The following ARK2N variants were observed in gnomAD, a reference collection of about 807,000 sequenced individuals.
The protein encoded by ARK2N is arkadia (RNF111) N-terminal like PKA signaling regulator 2N.
At chr18:46,201,334 C>A in the ARK2N span, among the ~76,000 whole-genome samples, 17 of 151,876 alleles carry the variant, frequency 1.1e-4, no homozygotes, top group Middle Eastern at 6.8e-3. Context: ...TATAGGCTTT[C>A]AAAAAAATAT....
the ARK2N span, among the ~76,000 whole-genome samples, chr18:46,244,740 T>A: frequency 1.3e-5 from 2 of 151,754 alleles, no homozygotes. Context: ...TAGCTGGGAT[T>A]ACAGGTGTGT....
chr18:46,262,959 G>C, the ARK2N span: 1 of 1,614,146 alleles, frequency 6.2e-7, no homozygotes, highest in East Asian at 2.2e-5. Flanking sequence ...GTGTGATTCA[G>C]AGTGTTTCTT....
At chr18:46,212,301 A>G in the ARK2N span, among the ~76,000 whole-genome samples, 1 of 152,302 alleles carries the variant, frequency 6.6e-6, no homozygotes, top group Non-Finnish European at 1.5e-5. Flanking sequence ...CAAGAGATAC[A>G]AAACTGCATA....
At chr18:46,220,944 T>C in the ARK2N span, among the ~76,000 whole-genome samples, 9 of 152,096 alleles carry the variant, frequency 5.9e-5, no homozygotes, top group African/African-American at 1.9e-4. Context: ...GAGACCAGCC[T>C]GGTGAACTTG....
At chr18:46,259,599 C>T in the ARK2N span, among the ~76,000 whole-genome samples, 9 of 151,534 alleles carry the variant, frequency 5.9e-5, no homozygotes, top group African/African-American at 2.2e-4. Flanking sequence ...TAACTACTAT[C>T]TTGACTTATT....
At chr18:46,245,051 T>C in the ARK2N span, among the ~76,000 whole-genome samples, 13 of 152,198 alleles carry the variant, frequency 8.5e-5, no homozygotes, top group African/African-American at 3.1e-4. Context: ...TGCCTCAGCC[T>C]ATCCAGTAGC....
At chr18:46,180,928 T>C in the ARK2N span, among the ~76,000 whole-genome samples, 1 of 152,198 alleles carries the variant, frequency 6.6e-6, no homozygotes, top group Non-Finnish European at 1.5e-5. Context: ...AATAGCATTT[T>C]TCTTGGTATC....
At chr18:46,220,733 T>C in the ARK2N span, among the ~76,000 whole-genome samples, 2 of 152,222 alleles carry the variant, frequency 1.3e-5, no homozygotes, top group African/African-American at 4.8e-5. Flanking sequence ...ATAACTTCCC[T>C]AATGGTCCTT....
the ARK2N span, among the ~76,000 whole-genome samples, chr18:46,200,491 A>T: frequency 1.9e-3 from 288 of 152,208 alleles, 2 homozygotes; most frequent in Middle Eastern, 0.02. Flanking sequence ...TGTTTTTAGT[A>T]GAAATGGGGT....
the ARK2N span, among the ~76,000 whole-genome samples, chr18:46,193,455 A>G: frequency 6.6e-6 from 1 of 151,278 alleles, no homozygotes; most frequent in African/African-American, 2.4e-5. Flanking sequence ...ATGCTCAGCT[A>G]ATTTTGTATT....
At chr18:46,190,691 TA>T in the ARK2N span, among the ~76,000 whole-genome samples, 1 of 150,132 alleles carries the variant, frequency 6.7e-6, no homozygotes, top group African/African-American at 2.4e-5. Context: ...ATAGTAAGAT[TA>T]TGCTGTATCT....
the ARK2N span, among the ~76,000 whole-genome samples, chr18:46,182,633 T>C: frequency 6.6e-6 from 1 of 151,674 alleles, no homozygotes; most frequent in Non-Finnish European, 1.5e-5. Flanking sequence ...TTATTCTTGA[T>C]TTACACTGAT....
the ARK2N span, among the ~76,000 whole-genome samples, chr18:46,176,246 G>C: frequency 6.6e-6 from 1 of 152,122 alleles, no homozygotes; most frequent in Non-Finnish European, 1.5e-5. Context: ...ACACGTGCAT[G>C]AACAGACTTG....
At chr18:46,248,554 G>C in the ARK2N span, among the ~76,000 whole-genome samples, 4 of 152,108 alleles carry the variant, frequency 2.6e-5, no homozygotes, top group East Asian at 7.7e-4. Flanking sequence ...TTCCACGTAG[G>C]CTTTTCTATA....
chr18:46,233,038 T>C, the ARK2N span: 1 of 152,146 alleles, frequency 6.6e-6, no homozygotes. Context: ...TGTAATGAAA[T>C]AAATGGTATT....
At chr18:46,179,027 C>T in the ARK2N span, among the ~76,000 whole-genome samples, 2 of 152,112 alleles carry the variant, frequency 1.3e-5, no homozygotes, top group African/African-American at 4.8e-5. Context: ...ACAGCAACCT[C>T]TGCCTCCTGG....
the ARK2N span, chr18:46,174,122 G>C: frequency 6.5e-6 from 1 of 152,678 alleles, no homozygotes; most frequent in Admixed American, 6.5e-5. Flanking sequence ...AGGCTGCGGA[G>C]GCGGCGAGGT....
the ARK2N span, chr18:46,217,093 C>T: frequency 1.3e-5 from 2 of 153,078 alleles, no homozygotes; most frequent in East Asian, 3.8e-4. Flanking sequence ...GTGTTTCCCC[C>T]ATATTCAATG....
the ARK2N span, among the ~76,000 whole-genome samples, chr18:46,191,282 A>G: frequency 1.4e-4 from 22 of 152,146 alleles, no homozygotes; most frequent in Non-Finnish European, 1.0e-4. Context: ...AACATATTGC[A>G]TTAGTCTGGC....
Sources: gnomAD v4.1 joint callset for allele counts (sites outside exome capture counted in the v4.1 genomes callset) on GRCh38, gnomAD v4.1.1 for gene constraint, MANE v1.5 for transcripts, NCBI Gene and HGNC (gene_info 2026-07-23, HGNC 2026-07-21) for gene names.